The following NTNG1 variants were observed in gnomAD, a reference collection of about 807,000 sequenced individuals.
NTNG1 encodes netrin G1.
Under a neutral mutation model 54.0 loss-of-function variants are expected in NTNG1, and 16 were observed. The ratio of observed to expected loss-of-function variants is 0.30; its 90% CI spans 0.20 to 0.45. NTNG1 has a LOEUF of 0.45. Among genes scored for constraint, NTNG1 ranks in the 20% least tolerant of loss-of-function variants. NTNG1 has a pLI of 1.00. For synonymous variants in NTNG1, 255 were observed against 263.1 expected, an observed-to-expected ratio of 0.97 and a Z score of 0.30; for missense variants, 530 against 678.7, an observed-to-expected ratio of 0.78 and a Z score of 2.43.
At chr1:107,366,461 C>A (rs1670599167) in intron 3 of NTNG1, among the ~76,000 whole-genome samples, 1 of 152,226 alleles carries the variant, frequency 6.6e-6, no homozygotes, top group African/African-American at 2.4e-5. Flanking sequence ...CCTGGAAATT[C>A]GTAGCTAAAA....
intron 6 of NTNG1, among the ~76,000 whole-genome samples, chr1:107,435,340 C>G (rs969591514): frequency 6.6e-6 from 1 of 152,084 alleles, no homozygotes; most frequent in African/African-American, 2.4e-5. Flanking sequence ...AAATAAAACT[C>G]TAGTTGTTAA....
At chr1:107,195,738 C>T (rs1467672284) in intron 2 of NTNG1, among the ~76,000 whole-genome samples, 1 of 151,974 alleles carries the variant, frequency 6.6e-6, no homozygotes, top group Non-Finnish European at 1.5e-5. Flanking sequence ...CAGGCCCTTG[C>T]ACTTGCTGAT....
At chr1:107,285,432 T>C (rs937141077) in intron 2 of NTNG1, among the ~76,000 whole-genome samples, 1 of 152,124 alleles carries the variant, frequency 6.6e-6, no homozygotes, top group African/African-American at 2.4e-5. Context: ...TTATTTACAT[T>C]AACTTTTTCC....
intron 2 of NTNG1, among the ~76,000 whole-genome samples, chr1:107,168,188 CTTCT>C (rs1035418145): frequency 2.7e-4 from 41 of 151,664 alleles, no homozygotes; most frequent in African/African-American, 9.9e-4. Context: ...TCCTTCCTTC[CTTCT>C]TTCTCTTTTT....
chr1:107,226,196 T>C (rs1399419971), intron 2 of NTNG1, among the ~76,000 whole-genome samples: 1 of 152,168 alleles, frequency 6.6e-6, no homozygotes, highest in Non-Finnish European at 1.5e-5. Context: ...ATGACTATAT[T>C]GTGGAACAAC....
intron 3 of NTNG1, among the ~76,000 whole-genome samples, chr1:107,347,963 A>G (rs1570733492): frequency 6.6e-6 from 1 of 152,134 alleles, no homozygotes; most frequent in African/African-American, 2.4e-5. Context: ...CGTGGTGATC[A>G]TGAGGATTAC....
Position 107,432,078 on chromosome 1 carries a change from T to A in NTNG1, c.1255+1161T>A, listed in dbSNP as rs146639013. Among the ~76,000 whole-genome samples, 587 of 152,262 alleles carry A rather than the reference T, an allele frequency of 3.9e-3. 2 individuals carry two copies. Among genetic ancestry groups the A allele is most frequent in the African/African-American group, 0.013 (548 of 41,558 alleles). ...CTGTATTTCAGAGCATCTCCTTATT[T>A]ATTATTTGTCAATTAGGAGAGAAAG... On this transcript the variant is annotated intron_variant, in intron 6 of 7. Coordinates refer to ENST00000370068, the MANE Select transcript of NTNG1 (RefSeq NM_001113226.3).
At position 107,431,003 on chromosome 1, in the gene NTNG1, C is replaced by T. The variant is rs527408582; in HGVS notation, c.1255+86C>T. On this transcript the variant is annotated intron_variant, in intron 6 of 7. Transcript: ENST00000370068. ...AGGGTGGAGAGGCTGGCGATTTGCACCGCGGTTGAGCCAGAATGAACTTTC... is the reference window on the plus strand; with the variant it reads ...AGGGTGGAGAGGCTGGCGATTTGCATCGCGGTTGAGCCAGAATGAACTTTC... 5.5e-6 allele frequency: 7 copies of T among 1,275,444 alleles called. No homozygotes were observed. In the East Asian group the frequency reaches 1.2e-4, roughly 22 times the overall value. The allele number at this position is 1,275,444 out of a possible 1,614,324, so 79.0% of individuals were successfully genotyped here.
In NTNG1 at chr1:107,481,970, T is replaced by C. The variant is rs1678740164; in HGVS notation, c.*1130T>C. 6.7e-6 allele frequency: 1 copy of C among 148,996 alleles called. No individual in the cohort carries two copies. Among genetic ancestry groups the C allele is most frequent in the Admixed American group, 6.8e-5 (1 of 14,738 alleles). 9.2% of individuals were successfully genotyped at this position (148,996 alleles called of 1,614,324 possible). A position where few individuals can be genotyped will look rare whatever the true frequency, so the allele number is the denominator to read the frequency against. On this transcript the variant is annotated 3_prime_UTR_variant, in exon 8 of 8. Coordinates refer to ENST00000370068, the MANE Select transcript of NTNG1 (RefSeq NM_001113226.3). The stretch of plus-strand genomic sequence containing the variant: ...AGTACATTCAGCTGACGAATTTAGT[T>C]CCCAGGAAGATGGATTGATGTTCAC...
chr1:107,390,899 G>A (rs1672317513), intron 3 of NTNG1, among the ~76,000 whole-genome samples: 1 of 152,168 alleles, frequency 6.6e-6, no homozygotes, highest in South Asian at 2.1e-4. Context: ...TAGCAAAGAT[G>A]CTATGGGTTT....
In NTNG1 at chr1:107,240,281, T is replaced by A. The variant is rs370623005; in HGVS notation, c.247-84001T>A. On this transcript the variant is annotated intron_variant, in intron 2 of 7. Transcript: ENST00000370068. The stretch of plus-strand genomic sequence containing the variant: ...TTTTGAGTGGAATATCCTTATTTTT[T>A]TTTTTTTTTTTTTACACATTACGAT... 2.9e-3 allele frequency among the ~76,000 whole-genome samples: 435 copies of A among 152,134 alleles called. 1 individual carries two copies. Among genetic ancestry groups the A allele is most frequent in the African/African-American group, 5.4e-3 (226 of 41,492 alleles).
Position 107,376,649 on chromosome 1 carries a change from G to GT in NTNG1, c.888-18498dup, listed in dbSNP as rs201846283. On this transcript the variant is annotated intron_variant, in intron 3 of 7. Transcript: ENST00000370068. ...TGGCCCTGAATTTTGTTTTGTTTCT[G>GT]TTTTTTTGTTTTCCTTGAGTTTCTT... 5.8e-4 allele frequency among the ~76,000 whole-genome samples: 88 copies of GT among 152,152 alleles called. No individual in the cohort carries two copies. In the East Asian group the frequency reaches 0.011, roughly 18 times the overall value.
intron 7 of NTNG1, among the ~76,000 whole-genome samples, chr1:107,451,108 CTTT>C (rs55906603): frequency 2.9e-5 from 4 of 138,380 alleles, no homozygotes; most frequent in Non-Finnish European, 3.1e-5. Flanking sequence ...TTCTTTCTTT[CTTT>C]TTTTTTTTTT....
At chr1:107,347,376 A>C (rs560557648) in intron 3 of NTNG1, among the ~76,000 whole-genome samples, 1 of 152,144 alleles carries the variant, frequency 6.6e-6, no homozygotes, top group African/African-American at 2.4e-5. Flanking sequence ...TTAGCTGGGC[A>C]TGGTGGTGGG....
intron 2 of NTNG1, among the ~76,000 whole-genome samples, chr1:107,281,816 A>T (rs1422512342): frequency 6.6e-6 from 1 of 152,172 alleles, no homozygotes; most frequent in Non-Finnish European, 1.5e-5. Context: ...TACTAAGCAT[A>T]CTTTGCAGTT....
intron 2 of NTNG1, among the ~76,000 whole-genome samples, chr1:107,221,057 G>A (rs1383728287): frequency 1.3e-5 from 2 of 151,966 alleles, no homozygotes; most frequent in African/African-American, 4.8e-5. Context: ...AGGTAATTTA[G>A]TACCTACATT....
At chr1:107,433,933 G>A (rs1675442269) in intron 6 of NTNG1, among the ~76,000 whole-genome samples, 1 of 152,082 alleles carries the variant, frequency 6.6e-6, no homozygotes, top group Admixed American at 6.5e-5. Context: ...ATTCCTAAAG[G>A]GCTTGCGGCA....
At chr1:107,292,178 T>G (rs151125075) in intron 2 of NTNG1, among the ~76,000 whole-genome samples, 1 of 152,142 alleles carries the variant, frequency 6.6e-6, no homozygotes, top group South Asian at 2.1e-4. Context: ...GGAATATAAG[T>G]GTGACCTTTC....
rs555577277 is a variant in NTNG1 at position 107,447,691 on chromosome 1, T to C, written c.1390+10892T>C. On this transcript the variant is annotated intron_variant, in intron 7 of 7. Transcript: ENST00000370068. ...TAATAAAACATGGTTCAATCAACTA[T>C]GTTCAATACGTCCTTTCAAATACAG... 7.8e-4 allele frequency among the ~76,000 whole-genome samples: 118 copies of C among 152,194 alleles called. 5 individuals are homozygous for C. The South Asian group carries it at 0.024, about 31-fold the overall frequency.
Sources: allele counts gnomAD v4.1 joint callset (sites outside exome capture counted in the v4.1 genomes callset), GRCh38; gene constraint gnomAD v4.1.1; transcripts MANE v1.5; gene names NCBI Gene and HGNC (gene_info 2026-07-23, HGNC 2026-07-21).